Variants in SETBP1 observed in about 807,000 individuals in gnomAD.
The protein encoded by SETBP1 is SET-binding protein.
Under a neutral mutation model 101.0 loss-of-function variants are expected in SETBP1, and 9 were observed. The ratio of observed to expected loss-of-function variants is 0.09; its 90% CI spans 0.05 to 0.16. The LOEUF is 0.16. Among genes scored for constraint, SETBP1 ranks in the 10% least tolerant of loss-of-function variants. The pLI, the probability that SETBP1 is intolerant of heterozygous loss-of-function variation, is 1.00. For missense variants in SETBP1, 1,858 were observed against 2,033.8 expected (o/e 0.91, Z 1.66); for synonymous variants, 818 against 788.5 (o/e 1.04, Z -0.63).
chr18:45,067,937 T>C lies in SETBP1; in HGVS notation c.*4239T>C, dbSNP rs560175054. On this transcript the variant is annotated 3_prime_UTR_variant, in exon 6 of 6. Coordinates refer to ENST00000649279, the MANE Select transcript of SETBP1 (RefSeq NM_015559.3). ...GCGGTTCCACCCTAGATTGGTGTCT[T>C]TCTTTTTCTTCCTTTTTTTAAAAAA... 6.6e-6 allele frequency: 1 copy of C among 152,282 alleles called. No individual in the cohort carries two copies. The highest frequency in any genetic ancestry group is 2.1e-4 in the South Asian group (1 of 4,832). 9.4% of individuals were successfully genotyped at this position (152,282 alleles called of 1,614,324 possible).
chr18:44,961,951 T>G (rs1433656814), intron 4 of SETBP1, among the ~76,000 whole-genome samples: 2 of 152,186 alleles, frequency 1.3e-5, no homozygotes, highest in Non-Finnish European at 2.9e-5. Context: ...TTACAGAGCT[T>G]TTTACTATTG....
chr18:44,687,566 A>G (rs1484259405), intron 1 of SETBP1, among the ~76,000 whole-genome samples: 1 of 152,176 alleles, frequency 6.6e-6, no homozygotes, highest in Non-Finnish European at 1.5e-5. Context: ...ACATACCACT[A>G]AGAGTAATGT....
intron 1 of SETBP1, among the ~76,000 whole-genome samples, chr18:44,696,746 G>A (rs1307209206): frequency 6.6e-6 from 1 of 152,232 alleles, no homozygotes; most frequent in African/African-American, 2.4e-5. Context: ...GCTAAGGCAA[G>A]TGTGGGTCAT....
At chr18:44,708,659 C>T (rs1165188899) in intron 2 of SETBP1, among the ~76,000 whole-genome samples, 1 of 152,042 alleles carries the variant, frequency 6.6e-6, no homozygotes, top group African/African-American at 2.4e-5. Flanking sequence ...CCCTGGGCAC[C>T]GGCTCTGCCT....
chr18:44,827,132 A>G (rs1372605009), intron 2 of SETBP1, among the ~76,000 whole-genome samples: 1 of 152,186 alleles, frequency 6.6e-6, no homozygotes, highest in African/African-American at 2.4e-5. Context: ...TTTGATGACA[A>G]ATGTCTTTTT....
chr18:44,755,647 G>A (rs2070475385), intron 2 of SETBP1, among the ~76,000 whole-genome samples: 1 of 152,048 alleles, frequency 6.6e-6, no homozygotes, highest in African/African-American at 2.4e-5. Context: ...CTTGGACTGA[G>A]CCTCTTTGGG....
intron 3 of SETBP1, among the ~76,000 whole-genome samples, chr18:44,908,841 T>G (rs2070238786): frequency 6.6e-6 from 1 of 152,254 alleles, no homozygotes; most frequent in African/African-American, 2.4e-5. Context: ...CCCCAAAATA[T>G]AACTCTGCTT....
rs777768860 is a variant in SETBP1, at chr18:44,952,434, G to A, written c.3094G>A (p.Val1032Met). Residue 1032 changes from valine (V) to methionine (M), a missense_variant, in exon 4 of 6, where the codon GTG becomes ATG. Val to Met is a conservative substitution (Grantham distance 21). This residue lies in a region of SETBP1 where 255 missense variants were observed against 300.1 expected (regional missense o/e 0.85). Transcript: ENST00000649279. ...PAKTNDTMTK[V>M]PFLQGFSYPI... Reference sequence around the variant, plus strand: ...AAAAACCAATGACACCATGACAAAGGTGCCTTTTTTACAAGGGTTCAGCTA... The same window carrying A: ...AAAAACCAATGACACCATGACAAAGATGCCTTTTTTACAAGGGTTCAGCTA... The A allele has an allele frequency of 6.2e-7, 1 of 1,614,090 alleles. No individual in the cohort carries two copies. Among genetic ancestry groups the A allele is most frequent in the East Asian group, 2.2e-5 (1 of 44,856 alleles).
intron 3 of SETBP1, among the ~76,000 whole-genome samples, chr18:44,885,841 T>TAAA (rs2069629383): frequency 7.0e-4 from 12 of 17,114 alleles, no homozygotes; most frequent in South Asian, 4.6e-3. Context: ...GCCCATTTCA[T>TAAA]TAAAAAAAAA....
intron 5 of SETBP1, 95 bp from the exon 6 acceptor site, chr18:45,062,979 AATCTT>A: frequency 6.6e-7 from 1 of 1,512,192 alleles, no homozygotes; most frequent in Non-Finnish European, 9.1e-7. Flanking sequence ...AATTCTCTAT[AATCTT>A]TATAGCCAAG....
At chr18:44,730,578 T>A (rs753728673) in intron 2 of SETBP1, among the ~76,000 whole-genome samples, 1 of 152,250 alleles carries the variant, frequency 6.6e-6, no homozygotes, top group Non-Finnish European at 1.5e-5. Flanking sequence ...GAGGCTCTCA[T>A]GTACCATTTT....
intron 3 of SETBP1, among the ~76,000 whole-genome samples, chr18:44,902,342 A>G (rs1462451262): frequency 6.6e-6 from 1 of 152,086 alleles, no homozygotes; most frequent in East Asian, 1.9e-4. Flanking sequence ...TTATTTCTAC[A>G]TTATATAGTC....
intron 2 of SETBP1, among the ~76,000 whole-genome samples, chr18:44,722,185 G>A (rs58639452): frequency 0.016 from 2,391 of 152,318 alleles, 55 homozygotes; most frequent in African/African-American, 0.054. Flanking sequence ...GTATGACATT[G>A]ACATAGATGT....
intron 2 of SETBP1, among the ~76,000 whole-genome samples, chr18:44,833,465 G>A (rs182186912): frequency 3.5e-4 from 53 of 152,320 alleles, no homozygotes; most frequent in Middle Eastern, 6.8e-3. Flanking sequence ...AGACTGGGAA[G>A]TACAGGCATG....
intron 2 of SETBP1, among the ~76,000 whole-genome samples, chr18:44,709,780 G>T (rs2069299430): frequency 6.7e-6 from 1 of 149,118 alleles, no homozygotes; most frequent in African/African-American, 2.5e-5. Flanking sequence ...GATGCCTGGA[G>T]AAACTTCTAT....
intron 4 of SETBP1, among the ~76,000 whole-genome samples, chr18:44,980,130 G>A (rs2072079848): frequency 6.6e-6 from 1 of 152,200 alleles, no homozygotes. Context: ...TATGATCTCA[G>A]ATATTGATAA....
Position 45,068,358 on chromosome 18 carries a change from G to C in SETBP1, c.*4660G>C, listed in dbSNP as rs533948009. The C allele has an allele frequency of 6.6e-6, 1 of 151,830 alleles. No individual in the cohort carries two copies. The highest frequency in any genetic ancestry group is 1.5e-5 in the Non-Finnish European group (1 of 67,936). The allele number at this position is 151,830 out of a possible 1,614,324, so 9.4% of individuals were successfully genotyped here. ...GCTCCTCCATGGTCTTAGATGTTGGGTTTTAAACATTTTTTTCTAAAAGAA... is the reference window on the plus strand; with the variant it reads ...GCTCCTCCATGGTCTTAGATGTTGGCTTTTAAACATTTTTTTCTAAAAGAA... On this transcript the variant is annotated 3_prime_UTR_variant, in exon 6 of 6. Transcript: ENST00000649279.
At chr18:44,894,049 C>G (rs2144795778) in intron 3 of SETBP1, among the ~76,000 whole-genome samples, 1 of 152,158 alleles carries the variant, frequency 6.6e-6, no homozygotes, top group South Asian at 2.1e-4. Flanking sequence ...GCAGAAAGTT[C>G]AAGCAAAGAA....
At chr18:44,937,740 T>C (rs1245593051) in intron 3 of SETBP1, among the ~76,000 whole-genome samples, 1 of 152,062 alleles carries the variant, frequency 6.6e-6, no homozygotes, top group East Asian at 1.9e-4. Context: ...TGCAGCCCCA[T>C]CTCAGACTTC....
Sources: allele counts gnomAD v4.1 joint callset (sites outside exome capture counted in the v4.1 genomes callset), GRCh38; gene constraint gnomAD v4.1.1; regional missense constraint gnomAD v4.1.1; transcripts MANE v1.5; gene names NCBI Gene and HGNC (gene_info 2026-07-23, HGNC 2026-07-21).